Variants in IL6R observed in about 807,000 individuals in gnomAD.
IL6R encodes the protein interleukin-6 receptor subunit alpha.
IL6R carries 38 observed loss-of-function variants against 48.3 expected under a neutral mutation model. That is an observed-to-expected ratio of 0.79 (90% CI 0.61 to 1.03). The LOEUF is 1.03. Ranked by LOEUF, IL6R falls within the 50% of genes least tolerant of loss-of-function variation. The pLI, the probability that IL6R is intolerant of heterozygous loss-of-function variation, is 0.00. For missense variants in IL6R, 534 were observed against 618.3 expected, an observed-to-expected ratio of 0.86 and a Z score of 1.45; for synonymous variants, 264 against 256.2, an observed-to-expected ratio of 1.03 and a Z score of -0.29.
intron 1 of IL6R, among the ~76,000 whole-genome samples, chr1:154,412,447 G>C (rs940191397): frequency 6.6e-6 from 1 of 151,754 alleles, no homozygotes; most frequent in African/African-American, 2.4e-5. Flanking sequence ...TAGTAGAGAC[G>C]GGGTTTCACC....
At chr1:154,426,831 T>C (rs1452439337) in intron 1 of IL6R, among the ~76,000 whole-genome samples, 1 of 152,206 alleles carries the variant, frequency 6.6e-6, no homozygotes, top group Non-Finnish European at 1.5e-5. Context: ...ACTGTAGTTG[T>C]GGCTTTTTAT....
chr1:154,449,460 C>T (rs1690461647), intron 7 of IL6R, among the ~76,000 whole-genome samples: 1 of 152,086 alleles, frequency 6.6e-6, no homozygotes. Flanking sequence ...TTGCAGTGAG[C>T]CGAGATCATG....
At chr1:154,448,875 CTTTTTTTT>C (rs757221328) in intron 7 of IL6R, among the ~76,000 whole-genome samples, 11 of 73,330 alleles carry the variant, frequency 1.5e-4, no homozygotes, top group African/African-American at 2.6e-4. Context: ...CTTGTAAGGG[CTTTTTTTT>C]TTTTTTTTTT....
intron 6 of IL6R, among the ~76,000 whole-genome samples, chr1:154,443,739 G>T (rs1690055792): frequency 6.6e-6 from 1 of 152,176 alleles, no homozygotes. Flanking sequence ...ACATGACAAG[G>T]GTGCAATAAA....
intron 1 of IL6R, among the ~76,000 whole-genome samples, chr1:154,422,200 C>T (rs546913372): frequency 1.7e-3 from 264 of 152,266 alleles, no homozygotes; most frequent in African/African-American, 5.9e-3. Context: ...CCTCGGCCTC[C>T]CACAGTGCTG....
intron 6 of IL6R, among the ~76,000 whole-genome samples, chr1:154,447,476 T>TATATATACACACAC (rs1424013885): frequency 7.3e-5 from 5 of 68,830 alleles, no homozygotes; most frequent in Admixed American, 4.5e-4. Context: ...TATATATATA[T>TATATATACACACAC]ACACACACAC....
chr1:154,450,803 G>C (rs1690540716), intron 8 of IL6R, among the ~76,000 whole-genome samples: 1 of 152,214 alleles, frequency 6.6e-6, no homozygotes, highest in Non-Finnish European at 1.5e-5. Context: ...ATGACTCTTG[G>C]GCTTCGTGAG....
chr1:154,434,395 A>C, intron 3 of IL6R, 124 bp from the exon 4 acceptor site: 1 of 725,792 alleles, frequency 1.4e-6, no homozygotes, highest in East Asian at 2.6e-5. Flanking sequence ...GGAGACTTAG[A>C]GGCACAGGGC....
intron 1 of IL6R, among the ~76,000 whole-genome samples, chr1:154,407,595 G>A (rs530348598): frequency 1.3e-5 from 2 of 152,342 alleles, no homozygotes; most frequent in East Asian, 1.9e-4. Context: ...AATCGTACAG[G>A]AAGCATGGAG....
In IL6R at chr1:154,408,473, C is replaced by T. The variant is rs189590945; in HGVS notation, c.85+2759C>T. Among the ~76,000 whole-genome samples the T allele has an allele frequency of 4.8e-4, 73 of 152,118 alleles. 1 individual carries two copies. Among genetic ancestry groups the T allele is most frequent in the African/African-American group, 1.5e-3 (64 of 41,514 alleles). ...GGGCTGAGAAACCCCAGACTCTGACCGGGCCACTGGGTACCAACTACCCGT... is the reference window on the plus strand; with the variant it reads ...GGGCTGAGAAACCCCAGACTCTGACTGGGCCACTGGGTACCAACTACCCGT... On this transcript the variant is annotated intron_variant, in intron 1 of 9. Coordinates refer to ENST00000368485, the MANE Select transcript of IL6R (RefSeq NM_000565.4).
chr1:154,437,468 C>A, intron 6 of IL6R: 1 of 444,000 alleles, frequency 2.3e-6, no homozygotes, highest in Non-Finnish European at 4.6e-6. Flanking sequence ...GGATGGAGTA[C>A]AGCAGTGCAA....
At chr1:154,454,691 A>G (rs1690776243) in intron 9 of IL6R, 110 bp downstream of exon 9, 4 of 758,934 alleles carry the variant, frequency 5.3e-6, no homozygotes, top group Non-Finnish European at 9.2e-6. Flanking sequence ...TTATCCATTC[A>G]TCAAATGAAT....
At chr1:154,426,453 T>A (rs182194569) in intron 1 of IL6R, among the ~76,000 whole-genome samples, 79 of 149,588 alleles carry the variant, frequency 5.3e-4, no homozygotes, top group Admixed American at 1.2e-3. Context: ...CCCAGGAGGT[T>A]GAGGATGCAG....
intron 1 of IL6R, among the ~76,000 whole-genome samples, chr1:154,428,680 A>G (rs933892767): frequency 6.6e-6 from 1 of 152,202 alleles, no homozygotes; most frequent in Admixed American, 6.5e-5. Flanking sequence ...TCGTAATTAC[A>G]TGGCAGCGTG....
At chr1:154,440,280 C>T (rs1016903865) in intron 6 of IL6R, among the ~76,000 whole-genome samples, 3 of 152,122 alleles carry the variant, frequency 2.0e-5, no homozygotes, top group Admixed American at 6.5e-5. Context: ...TGTAGAGATA[C>T]CACATTGTGT....
rs1687686919 is a variant in IL6R, at chr1:154,405,953, T to A, written c.85+239T>A. Among the ~76,000 whole-genome samples, 1 of 152,162 alleles carries A rather than the reference T, an allele frequency of 6.6e-6. No homozygotes were observed. Among genetic ancestry groups the A allele is most frequent in the Non-Finnish European group, 1.5e-5 (1 of 68,012 alleles). On this transcript the variant is annotated intron_variant, in intron 1 of 9. Transcript: ENST00000368485. This position sits in a 1 kb window ranked among gnomAD's most constrained non-coding sequence, Gnocchi z 5.2. Reference sequence around the variant, plus strand: ...CGCTCCCCGGAATGCCCGGTGAAGCTGTGCGGGAACCCTGCGGTCTGTGTA... The same window carrying A: ...CGCTCCCCGGAATGCCCGGTGAAGCAGTGCGGGAACCCTGCGGTCTGTGTA...
At chr1:154,460,283 C>T (rs1691171191) in intron 9 of IL6R, among the ~76,000 whole-genome samples, 1 of 152,180 alleles carries the variant, frequency 6.6e-6, no homozygotes, top group Non-Finnish European at 1.5e-5. Context: ...CTGCTCACAC[C>T]CATCCAGGCC....
intron 9 of IL6R, among the ~76,000 whole-genome samples, chr1:154,463,502 CA>C (rs1691375765): frequency 6.6e-6 from 1 of 152,202 alleles, no homozygotes; most frequent in African/African-American, 2.4e-5. Flanking sequence ...GGAAAATCCC[CA>C]AATCTTGTTT....
At chr1:154,419,707 C>G (rs909548820) in intron 1 of IL6R, among the ~76,000 whole-genome samples, 1 of 152,312 alleles carries the variant, frequency 6.6e-6, no homozygotes, top group East Asian at 1.9e-4. Flanking sequence ...CTTACATAAA[C>G]GGGGCCAGGA....
Sources: allele counts gnomAD v4.1 joint callset (sites outside exome capture counted in the v4.1 genomes callset), GRCh38; gene constraint gnomAD v4.1.1; non-coding constraint Gnocchi (gnomAD v3.1); transcripts MANE v1.5; gene names NCBI Gene and HGNC (gene_info 2026-07-23, HGNC 2026-07-21).